Variants in TESK1 observed in about 807,000 individuals in gnomAD.
TESK1 encodes testis associated actin remodelling kinase 1.
Under a neutral mutation model 59.9 loss-of-function variants are expected in TESK1, and 18 were observed. The ratio of observed to expected loss-of-function variants is 0.30; its 90% CI spans 0.21 to 0.45. TESK1 has a LOEUF of 0.45. Among genes scored for constraint, TESK1 ranks in the 20% least tolerant of loss-of-function variants. TESK1 has a pLI of 1.00. For synonymous variants in TESK1, 341 were observed against 357.4 expected (o/e 0.95, Z 0.52); for missense variants, 748 against 840.9 (o/e 0.89, Z 1.37).
chr9:35,609,310 G>T lies in TESK1; in HGVS notation c.1449G>T (p.Ala483=), dbSNP rs746346980. 6 of 1,613,718 alleles carry T rather than the reference G, an allele frequency of 3.7e-6. No homozygotes were observed. Among genetic ancestry groups the T allele is most frequent in the African/African-American group, 1.3e-5 (1 of 74,922 alleles). The part of the protein sequence containing the change: ...SSPEPEPPGP[A]PQLPLAVATD... Reference sequence around the variant, plus strand: ...CTGAGCCGGAACCTCCAGGGCCAGCGCCCCAGCTGCCTCTGGCTGTGGCCA... The same window carrying T: ...CTGAGCCGGAACCTCCAGGGCCAGCTCCCCAGCTGCCTCTGGCTGTGGCCA... Residue 483 remains alanine (A), a synonymous_variant, in exon 10 of 10, where the codon GCG becomes GCT. Coordinates refer to ENST00000336395, the MANE Select transcript of TESK1 (RefSeq NM_006285.3). This position sits in a 1 kb window ranked among gnomAD's most constrained non-coding sequence, Gnocchi z 6.7.
rs1214251431 is a variant in TESK1, at chr9:35,607,552, C to T, written c.621-30C>T. ...CTGGGGGGGATGCCTGAATAGGATG[C>T]TTCTGACCACTCTGCCCCTGCCCCT... On this transcript the variant is annotated intron_variant, in intron 5 of 9. Coordinates refer to ENST00000336395, the MANE Select transcript of TESK1 (RefSeq NM_006285.3). The surrounding 1 kb of genome is among the most constrained non-coding windows in gnomAD (Gnocchi z 4.5). 1.2e-6 allele frequency: 2 copies of T among 1,600,746 alleles called. No individual in the cohort carries two copies. Among genetic ancestry groups the T allele is most frequent in the African/African-American group, 2.7e-5 (2 of 74,628 alleles).
chr9:35,607,098 G>C lies in TESK1; in HGVS notation c.537+115G>C. ...ATATATTAGGATGTTGGAGTGGCAA[G>C]GCATTGGAGAATATTGGGGGACCAG... On this transcript the variant is annotated intron_variant, in intron 4 of 9. Transcript: ENST00000336395. This position sits in a 1 kb window ranked among gnomAD's most constrained non-coding sequence, Gnocchi z 4.5. 7.0e-7 allele frequency: 1 copy of C among 1,419,892 alleles called. No homozygotes were observed. 88.0% of individuals were successfully genotyped at this position (1,419,892 alleles called of 1,614,324 possible).
rs767482909 is a variant in TESK1 at position 35,609,459 on chromosome 9, C to T, written c.1598C>T (p.Pro533Leu). The change falls in exon 10 of 10, where the codon CCC becomes CTC. Residue 533 changes from proline (P) to leucine (L), a missense_variant. Physicochemically the swap from Pro to Leu is moderately conservative, Grantham distance 98. Coordinates refer to ENST00000336395, the MANE Select transcript of TESK1 (RefSeq NM_006285.3). The surrounding 1 kb of genome is among the most constrained non-coding windows in gnomAD (Gnocchi z 6.7). The part of the protein sequence containing the change: ...VNSPQGWAGE[P>L]WNRAQHSLPR... ...TCCCCACAAGGCTGGGCTGGGGAGC[C>T]CTGGAACCGGGCCCAGCATAGCCTG... 6.2e-7 allele frequency: 1 copy of T among 1,606,946 alleles called. No homozygotes were observed. Among genetic ancestry groups the T allele is most frequent in the Admixed American group, 1.7e-5 (1 of 59,428 alleles).
chr9:35,609,506 C>A lies in TESK1; in HGVS notation c.1645C>A (p.Arg549=), dbSNP rs769002766. 6.2e-7 allele frequency: 1 copy of A among 1,606,600 alleles called. No individual in the cohort carries two copies. Among genetic ancestry groups the A allele is most frequent in the Admixed American group, 1.7e-5 (1 of 59,438 alleles). The change falls in exon 10 of 10, where the codon CGG becomes AGG. Residue 549 remains arginine (R), a synonymous_variant. Transcript: ENST00000336395. This position sits in a 1 kb window ranked among gnomAD's most constrained non-coding sequence, Gnocchi z 6.7. ...HSLPRAAALE[R]TEPSPPPSAP... is the part of the protein sequence containing the mutation. ...CCTGCCCCGGGCGGCAGCCCTGGAG[C>A]GGACAGAACCCTCGCCACCCCCTTC... is the stretch of plus-strand genomic sequence containing the variant.
chr9:35,608,163 T>C lies in TESK1; in HGVS notation c.799T>C (p.Phe267Leu). 6.2e-7 allele frequency: 1 copy of C among 1,614,176 alleles called. No individual in the cohort carries two copies. The highest frequency in any genetic ancestry group is 8.5e-7 in the Non-Finnish European group (1 of 1,180,004). ...DPDYLPRTED[F>L]GLDVPAFRTL... ...GTCCCTCCTTCTGTCCCCACAGGAC[T>C]TTGGCCTGGATGTGCCTGCTTTCCG... The change falls in exon 8 of 10, where the codon TTT (phenylalanine) becomes CTT (leucine). Residue 267 changes from phenylalanine (F) to leucine (L), a missense_variant. By Grantham distance (22) the Phe-to-Leu change is conservative. Transcript: ENST00000336395.
intron 2 of TESK1, 55 bp downstream of exon 2, chr9:35,606,160 C>G (rs757804543): frequency 6.2e-7 from 1 of 1,613,962 alleles, no homozygotes; most frequent in Non-Finnish European, 8.5e-7. Flanking sequence ...AGGGAAAGAT[C>G]CCGCGGGAAA....
chr9:35,607,498 CGGAG>C lies in TESK1; in HGVS notation c.621-79_621-76del. On this transcript the variant is annotated intron_variant, in intron 5 of 9. Coordinates refer to ENST00000336395, the MANE Select transcript of TESK1 (RefSeq NM_006285.3). The surrounding 1 kb of genome is among the most constrained non-coding windows in gnomAD (Gnocchi z 4.5). ...CCCCAGGGATGTTTCCCTTGGGGAA[CGGAG>C]GGAGTTCACCTCATCCCCTTTTGCC... 3.2e-6 allele frequency: 5 copies of C among 1,582,362 alleles called. No individual in the cohort carries two copies. Among genetic ancestry groups the C allele is most frequent in the Non-Finnish European group, 4.3e-6 (5 of 1,151,646 alleles).
rs1264766742 is a variant in TESK1, at chr9:35,608,411, G to A, written c.902G>A (p.Arg301His). The A allele has an allele frequency of 1.9e-6, 3 of 1,613,884 alleles. No homozygotes were observed. The highest frequency in any genetic ancestry group is 1.3e-5 in the African/African-American group (1 of 74,842). The stretch of plus-strand genomic sequence containing the variant: ...ACCCATCAGCTGGAACCCAGCACCC[G>A]TGCCCCCTTCACCGAAATTACCCAG... ...IHCCNLEPST[R>H]APFTEITQHL... The change falls in exon 9 of 10, where the codon CGT becomes CAT. Residue 301 changes from arginine to histidine, a missense_variant. Arg to His is a conservative substitution (Grantham distance 29). Around this residue, in one of 3 missense-constraint regions of TESK1, gnomAD observed 447 missense variants for 466.1 expected, o/e 0.96. Transcript: ENST00000336395.
rs372311148 is a variant in TESK1 at position 35,609,168 on chromosome 9, G to T, written c.1307G>T (p.Arg436Leu). ...CCTGGGACACCTGCCCGCCGCTGCC[G>T]CTCACTACCCTCATCCCCCGAGCTC... ...VQPGTPARRCRSLPSSPELPR... is the reference protein window; with the variant it reads ...VQPGTPARRCLSLPSSPELPR... Residue 436 changes from arginine (R) to leucine (L), a missense_variant, in exon 10 of 10, where the codon CGC becomes CTC. Coordinates refer to ENST00000336395, the MANE Select transcript of TESK1 (RefSeq NM_006285.3). This position sits in a 1 kb window ranked among gnomAD's most constrained non-coding sequence, Gnocchi z 6.7. 1.2e-6 allele frequency: 2 copies of T among 1,613,306 alleles called. No individual in the cohort carries two copies. The highest frequency in any genetic ancestry group is 1.7e-6 in the Non-Finnish European group (2 of 1,180,000).
intron 7 of TESK1, 50 bp downstream of exon 7, chr9:35,608,061 T>A (rs377518059): frequency 6.2e-7 from 1 of 1,611,190 alleles, no homozygotes; most frequent in African/African-American, 1.3e-5. Flanking sequence ...AGCTGGCTCA[T>A]AACCAAGGAG....
chr9:35,606,279 T>C lies in TESK1; in HGVS notation c.384T>C (p.Leu128=). The change falls in exon 3 of 10, where the codon CTT becomes CTC. Residue 128 remains leucine (L), a synonymous_variant. Coordinates refer to ENST00000336395, the MANE Select transcript of TESK1 (RefSeq NM_006285.3). ...VCVHQGQLHA[L]TEYMNGGTLE... Reference sequence around the variant, plus strand: ...TGCACCAGGGACAGCTGCACGCTCTTACAGAGGTGAGGATAGGCCAGGAAG... The same window carrying C: ...TGCACCAGGGACAGCTGCACGCTCTCACAGAGGTGAGGATAGGCCAGGAAG... The C allele has an allele frequency of 6.2e-7, 1 of 1,613,980 alleles. No individual in the cohort carries two copies. The highest frequency in any genetic ancestry group is 1.1e-5 in the South Asian group (1 of 91,072).
At position 35,606,294 on chromosome 9, in the gene TESK1, A is replaced by C. The variant is rs771390232; in HGVS notation, c.390+9A>C. The C allele has an allele frequency of 6.2e-7, 1 of 1,613,730 alleles. No homozygotes were observed. On this transcript the variant is annotated intron_variant, in intron 3 of 9. Transcript: ENST00000336395. ...TGCACGCTCTTACAGAGGTGAGGATAGGCCAGGAAGGAGGGATCCCCACCC... is the reference window on the plus strand; with the variant it reads ...TGCACGCTCTTACAGAGGTGAGGATCGGCCAGGAAGGAGGGATCCCCACCC...
At chr9:35,608,616 T>TG in intron 9 of TESK1, 107 bp downstream of exon 9, 2 of 986,548 alleles carry the variant, frequency 2.0e-6, no homozygotes, top group South Asian at 3.0e-5. Context: ...TTGAAAAGGC[T>TG]GGGGGTCGGG....
In TESK1 at chr9:35,608,535, C is replaced by T. The variant is rs374653351; in HGVS notation, c.1000+26C>T. 4.4e-6 allele frequency: 7 copies of T among 1,598,956 alleles called. No homozygotes were observed. The African/African-American group carries it at 9.4e-5, about 21-fold the overall frequency. Reference sequence around the variant, plus strand: ...GTAAGGGAGCCTGACCTTGATCCAGCTTGAGTCCTTTGGCCTTTGTCCTCC... The same window carrying T: ...GTAAGGGAGCCTGACCTTGATCCAGTTTGAGTCCTTTGGCCTTTGTCCTCC... On this transcript the variant is annotated intron_variant, in intron 9 of 9. Transcript: ENST00000336395.
At chr9:35,608,745 C>A (rs1157087911) in intron 9 of TESK1, 117 bp from the exon 10 acceptor site, 3 of 1,255,236 alleles carry the variant, frequency 2.4e-6, no homozygotes, top group Admixed American at 4.6e-5. Flanking sequence ...TCCAAAGCAC[C>A]AGGTGGGACT....
In TESK1 at chr9:35,607,472, G is replaced by A; in HGVS notation, c.620+63G>A. ...AGTGCCCCTATCTGATGTCCCCAGA[G>A]CCCCAGGGATGTTTCCCTTGGGGAA... On this transcript the variant is annotated intron_variant, in intron 5 of 9. Transcript: ENST00000336395. This position sits in a 1 kb window ranked among gnomAD's most constrained non-coding sequence, Gnocchi z 4.5. The A allele has an allele frequency of 8.8e-6, 14 of 1,598,812 alleles. No homozygotes were observed. The highest frequency in any genetic ancestry group is 1.1e-5 in the South Asian group (1 of 90,768).
In TESK1 at chr9:35,606,942, C is replaced by A. The variant is rs1260450374; in HGVS notation, c.496C>A (p.Leu166Met). 3.7e-6 allele frequency: 6 copies of A among 1,612,668 alleles called. No individual in the cohort carries two copies. Among genetic ancestry groups the A allele is most frequent in the Non-Finnish European group, 5.1e-6 (6 of 1,179,232 alleles). Residue 166 changes from leucine to methionine, a missense_variant, in exon 4 of 10, where the codon CTG becomes ATG. By Grantham distance (15) the Leu-to-Met change is conservative. Around this residue, in one of 3 missense-constraint regions of TESK1, gnomAD observed 168 missense variants for 257.4 expected, o/e 0.65. Transcript: ENST00000336395. ...GGACATTGCCCGAGGCCTGCGGTAC[C>A]TGCACTCCAAAGGTGTATTTCACCG... ...ALDIARGLRY[L>M]HSKGVFHRDL...
rs1822815222 is a variant in TESK1 at position 35,605,297 on chromosome 9, C to CCGCA, written c.-320_-319insACGC. ...CCCCGGCGGCTAAGCGGAGCAGCCGCCGCCCGCCCGCCCGCCCGCCTCCGC... is the reference window on the plus strand; with the variant it reads ...CCCCGGCGGCTAAGCGGAGCAGCCGCCGCACGCCCGCCCGCCCGCCCGCCTCCGC... On this transcript the variant is annotated 5_prime_UTR_variant, in exon 1 of 10. Coordinates refer to ENST00000336395, the MANE Select transcript of TESK1 (RefSeq NM_006285.3). 1.4e-5 allele frequency: 2 copies of CCGCA among 147,356 alleles called. No individual in the cohort carries two copies. Among genetic ancestry groups the CCGCA allele is most frequent in the African/African-American group, 4.9e-5 (2 of 40,800 alleles). 9.1% of individuals were successfully genotyped at this position (147,356 alleles called of 1,614,324 possible).
rs781615056 is a variant in TESK1 at position 35,608,238 on chromosome 9, C to G, written c.874C>G (p.His292Asp). The G allele has an allele frequency of 4.3e-6, 7 of 1,614,034 alleles. No homozygotes were observed. Among genetic ancestry groups the G allele is most frequent in the Non-Finnish European group, 5.9e-6 (7 of 1,180,030 alleles). ...ACTGCCTTTCTTGCTCCTGGCCATC[C>G]ACTGCTGCAACGTAAGAGCCTCACA... ...CPLPFLLLAI[H>D]CCNLEPSTRA... Residue 292 changes from histidine to aspartate, a missense_variant, in exon 8 of 10, where the codon CAC (histidine) becomes GAC (aspartate). His to Asp is a moderately conservative substitution (Grantham distance 81, BLOSUM62 -1). Transcript: ENST00000336395.
Sources: gnomAD v4.1 joint callset for allele counts on GRCh38, gnomAD v4.1.1 for gene constraint, gnomAD v4.1.1 regional missense constraint, Gnocchi (gnomAD v3.1) non-coding constraint, MANE v1.5 for transcripts, NCBI Gene and HGNC (gene_info 2026-07-23, HGNC 2026-07-21) for gene names.